The following MAPK8IP3 variants were observed in gnomAD, a reference collection of about 807,000 sequenced individuals.
MAPK8IP3 encodes the protein C-Jun-amino-terminal kinase-interacting protein 3.
Under a neutral mutation model 157.8 loss-of-function variants are expected in MAPK8IP3, and 49 were observed. The observed-to-expected ratio is 0.31, with a 90% confidence interval of 0.25 to 0.39. The LOEUF (loss-of-function observed/expected upper bound fraction) is 0.39, where lower values mean the gene tolerates loss of function less well. Ranked by LOEUF, MAPK8IP3 falls within the 10% of genes least tolerant of loss-of-function variation. MAPK8IP3 has a pLI of 1.00. For synonymous variants in MAPK8IP3, 897 were observed against 777.7 expected (o/e 1.15, Z -2.55); for missense variants, 1,478 against 1,889.4 (o/e 0.78, Z 4.04).
intron 1 of MAPK8IP3, among the ~76,000 whole-genome samples, chr16:1,714,713 G>A (rs1222142953): frequency 6.6e-6 from 1 of 152,120 alleles, no homozygotes; most frequent in Non-Finnish European, 1.5e-5. Flanking sequence ...TTGCACACGT[G>A]TGTCTCTATG....
chr16:1,709,596 GAT>G (rs1166490644), intron 1 of MAPK8IP3, among the ~76,000 whole-genome samples: 1 of 152,250 alleles, frequency 6.6e-6, no homozygotes, highest in Non-Finnish European at 1.5e-5. Context: ...TGCAGGCTCT[GAT>G]ACAAAGTTTT....
intron 8 of MAPK8IP3, among the ~76,000 whole-genome samples, chr16:1,750,534 A>AT (rs947632105): frequency 6.6e-6 from 1 of 151,408 alleles, no homozygotes; most frequent in Non-Finnish European, 1.5e-5. Context: ...TTTTTTAGCT[A>AT]TTTTTTTTAT....
chr16:1,711,448 C>T (rs1190285793), intron 1 of MAPK8IP3, among the ~76,000 whole-genome samples: 2 of 152,206 alleles, frequency 1.3e-5, no homozygotes, highest in East Asian at 3.8e-4. Flanking sequence ...GCATGCAGAG[C>T]CTCCTAGATC....
intron 4 of MAPK8IP3, among the ~76,000 whole-genome samples, chr16:1,733,745 C>A (rs1038232101): frequency 6.6e-6 from 1 of 152,212 alleles, no homozygotes; most frequent in Non-Finnish European, 1.5e-5. Context: ...TGCCACGGCT[C>A]CTGAAGGCTA....
intron 1 of MAPK8IP3, among the ~76,000 whole-genome samples, chr16:1,723,556 G>T (rs549481171): frequency 6.6e-6 from 1 of 152,170 alleles, no homozygotes; most frequent in African/African-American, 2.4e-5. Context: ...GGTGCTCAAG[G>T]CTGCAGTGAG....
rs1300928501 is a variant in MAPK8IP3, at chr16:1,743,862, C to G, written c.747+386C>G. 1.8e-6 allele frequency: 2 copies of G among 1,091,456 alleles called. No individual in the cohort carries two copies. Among genetic ancestry groups the G allele is most frequent in the African/African-American group, 3.4e-5 (2 of 59,064 alleles). 67.6% of individuals were successfully genotyped at this position (1,091,456 alleles called of 1,614,324 possible). A position where few individuals can be genotyped will look rare whatever the true frequency, so the allele number is the denominator to read the frequency against. ...GGCTCCAGCCAGACACATCCTGCCC[C>G]TGAGAGCCACGCCTCTACTCTCGGA... On this transcript the variant is annotated intron_variant, in intron 5 of 31. Coordinates refer to ENST00000610761, the MANE Select transcript of MAPK8IP3 (RefSeq NM_001318852.2). The surrounding 1 kb of genome is among the most constrained non-coding windows in gnomAD (Gnocchi z 5.6).
chr16:1,759,900 C>T (rs1015383472), intron 10 of MAPK8IP3, 58 bp from the exon 11 acceptor site: 23 of 1,462,154 alleles, frequency 1.6e-5, no homozygotes, highest in African/African-American at 4.2e-5. Context: ...GCAGGTGCGG[C>T]GGCATCAGTG....
intron 1 of MAPK8IP3, chr16:1,714,271 T>C (rs888866468): frequency 1.3e-5 from 2 of 152,084 alleles, no homozygotes; most frequent in African/African-American, 4.8e-5. Flanking sequence ...GTTGGCAGGG[T>C]GTTGGGCCAA....
At chr16:1,738,613 C>G (rs1207667525) in intron 4 of MAPK8IP3, among the ~76,000 whole-genome samples, 1 of 124,670 alleles carries the variant, frequency 8.0e-6, no homozygotes, top group Non-Finnish European at 1.6e-5. Context: ...TGTGACCGTC[C>G]GTGTGAGCAT....
intron 17 of MAPK8IP3, 41 bp downstream of exon 17, chr16:1,763,824 A>T: frequency 4.4e-5 from 15 of 341,192 alleles, no homozygotes; most frequent in East Asian, 1.5e-4. Flanking sequence ...GGCCCCGCAG[A>T]GGCGGGGCGG....
rs749112301 is a variant in MAPK8IP3, at chr16:1,763,787, C to A, written c.2025+4C>A. 3 of 1,288,604 alleles carry A rather than the reference C, an allele frequency of 2.3e-6. No homozygotes were observed. Among genetic ancestry groups the A allele is most frequent in the Non-Finnish European group, 3.0e-6 (3 of 987,416 alleles). The allele number at this position is 1,288,604 out of a possible 1,614,324, so 79.8% of individuals were successfully genotyped here. ...CCTGCCCGCCAAGTACAAGCAGGTG[C>A]GGGCGGGCGCTGCGGGGACCGGGCG... On this transcript the variant is annotated splice_donor_region_variant and intron_variant, in intron 17 of 31. Coordinates refer to ENST00000610761, the MANE Select transcript of MAPK8IP3 (RefSeq NM_001318852.2).
chr16:1,752,127 C>G (rs1392690679), intron 8 of MAPK8IP3: 1 of 153,698 alleles, frequency 6.5e-6, no homozygotes, highest in Admixed American at 6.5e-5. Context: ...CAACCCGTGG[C>G]CTTTGTGCTG....
At chr16:1,718,930 G>A (rs1456895146) in intron 1 of MAPK8IP3, among the ~76,000 whole-genome samples, 2 of 152,258 alleles carry the variant, frequency 1.3e-5, no homozygotes, top group South Asian at 2.1e-4. Context: ...GGGGCTGGGC[G>A]AGGTGGCTCA....
At position 1,768,804 on chromosome 16, in the gene MAPK8IP3, G is replaced by A. The variant is rs758713231; in HGVS notation, c.3994G>A (p.Val1332Met). 3 of 1,612,384 alleles carry A rather than the reference G, an allele frequency of 1.9e-6. No individual in the cohort carries two copies. The highest frequency in any genetic ancestry group is 2.5e-6 in the Non-Finnish European group (3 of 1,179,792). ...AERSHIIVWQ[V>M]SYTPE ...GCGCAGTCACATCATCGTGTGGCAG[G>A]TGTCCTACACCCCCGAGTGAAGCTG... The change falls in exon 32 of 32, where the codon GTG becomes ATG. Residue 1332 changes from valine (V) to methionine (M), a missense_variant. Transcript: ENST00000610761.
rs2141845143 is a variant in MAPK8IP3, at chr16:1,742,738, A to G, written c.603-594A>G. Reference sequence around the variant, plus strand: ...ACAATGGTCCTAAAAGGCATTGCTCATGGTGGCCGTGCAGCGCTGACCGTG... The same window carrying G: ...ACAATGGTCCTAAAAGGCATTGCTCGTGGTGGCCGTGCAGCGCTGACCGTG... On this transcript the variant is annotated intron_variant, in intron 4 of 31. Coordinates refer to ENST00000610761, the MANE Select transcript of MAPK8IP3 (RefSeq NM_001318852.2). The surrounding 1 kb of genome is among the most constrained non-coding windows in gnomAD (Gnocchi z 5.0). Among the ~76,000 whole-genome samples the G allele has an allele frequency of 6.6e-6, 1 of 152,280 alleles. No individual in the cohort carries two copies. The highest frequency in any genetic ancestry group is 2.4e-5 in the African/African-American group (1 of 41,548).
chr16:1,724,613 G>A lies in MAPK8IP3; in HGVS notation c.375G>A (p.Gln125=). The change falls in exon 2 of 32, where the codon CAG becomes CAA. Residue 125 remains glutamine (Q), a synonymous_variant. Transcript: ENST00000610761. This position sits in a 1 kb window ranked among gnomAD's most constrained non-coding sequence, Gnocchi z 4.1. The part of the protein sequence containing the change: ...LEQEKKELQI[Q]VEHYEFQTRQ... ...AAGAGAAGAAAGAGCTGCAAATCCAGGTGGAGCACTACGAGTTCCAGACGC... is the reference window on the plus strand; with the variant it reads ...AAGAGAAGAAAGAGCTGCAAATCCAAGTGGAGCACTACGAGTTCCAGACGC... 6.2e-7 allele frequency: 1 copy of A among 1,613,716 alleles called. No individual in the cohort carries two copies. The highest frequency in any genetic ancestry group is 8.5e-7 in the Non-Finnish European group (1 of 1,180,010).
At chr16:1,766,854 G>A in intron 24 of MAPK8IP3, 50 bp from the exon 25 acceptor site, 1 of 1,611,858 alleles carries the variant, frequency 6.2e-7, no homozygotes, top group Non-Finnish European at 8.5e-7. Context: ...CGGGGCGGAG[G>A]GGGCTGGCAC....
chr16:1,729,639 C>T (rs559844234), intron 4 of MAPK8IP3, 61 bp downstream of exon 4: 17 of 1,455,726 alleles, frequency 1.2e-5, no homozygotes, highest in South Asian at 4.9e-5. Flanking sequence ...GTACGCAGGA[C>T]GCGGCACATG....
In MAPK8IP3 at chr16:1,747,246, T is replaced by G; in HGVS notation, c.965T>G (p.Val322Gly). ...GACAGCCGCAACATGGAAGTACAGG[T>G]CACCCAGGAGATGCGCAACGTCAGT... is the stretch of plus-strand genomic sequence containing the variant. ...KRDSRNMEVQ[V>G]TQEMRNVSIG... is the part of the protein sequence containing the mutation. Residue 322 changes from valine to glycine, a missense_variant, in exon 6 of 32, where the codon GTC (valine) becomes GGC (glycine). This residue lies in a region of MAPK8IP3 where 315 missense variants were observed against 394.4 expected (regional missense o/e 0.80). Coordinates refer to ENST00000610761, the MANE Select transcript of MAPK8IP3 (RefSeq NM_001318852.2). 6.2e-7 allele frequency: 1 copy of G among 1,613,668 alleles called. No homozygotes were observed. The highest frequency in any genetic ancestry group is 8.5e-7 in the Non-Finnish European group (1 of 1,179,994).
Sources: gnomAD v4.1 joint callset for allele counts (sites outside exome capture counted in the v4.1 genomes callset) on GRCh38, gnomAD v4.1.1 for gene constraint, gnomAD v4.1.1 regional missense constraint, Gnocchi (gnomAD v3.1) non-coding constraint, MANE v1.5 for transcripts, NCBI Gene and HGNC (gene_info 2026-07-23, HGNC 2026-07-21) for gene names.